Variants in DPF3 observed in about 807,000 individuals in gnomAD.
The protein encoded by DPF3 is zinc finger protein DPF3.
In DPF3, 18 loss-of-function variants were observed where a neutral mutation model predicts 56.8. The observed-to-expected ratio is 0.32, with a 90% CI of 0.22 to 0.47. The LOEUF (loss-of-function observed/expected upper bound fraction) is 0.47, where lower values mean the gene tolerates loss of function less well. Among genes scored for constraint, DPF3 ranks in the 20% least tolerant of loss-of-function variants. DPF3 has a pLI of 1.00. For missense variants in DPF3, 403 were observed against 488.8 expected, an observed-to-expected ratio of 0.82 and a Z score of 1.65; for synonymous variants, 188 against 180.2, an observed-to-expected ratio of 1.04 and a Z score of -0.35.
intron 8 of DPF3, among the ~76,000 whole-genome samples, chr14:72,640,238 G>A (rs1198701884): frequency 6.6e-6 from 1 of 152,042 alleles, no homozygotes; most frequent in African/African-American, 2.4e-5. Context: ...CTCTTATGTA[G>A]GCATGAGGAT....
chr14:72,662,053 G>C (rs927870537), intron 8 of DPF3: 7 of 984,746 alleles, frequency 7.1e-6, no homozygotes, highest in Admixed American at 6.2e-5. Context: ...GGGCAATGAG[G>C]GTGGGGGAAA....
intron 7 of DPF3, among the ~76,000 whole-genome samples, chr14:72,688,705 G>A (rs544606735): frequency 2.8e-4 from 42 of 152,212 alleles, no homozygotes; most frequent in African/African-American, 1.0e-3. Flanking sequence ...TCTATGTGTA[G>A]GTGTATGTGT....
At chr14:72,800,048 T>C (rs188286704) in intron 1 of DPF3, among the ~76,000 whole-genome samples, 1 of 152,222 alleles carries the variant, frequency 6.6e-6, no homozygotes, top group Admixed American at 6.5e-5. Context: ...TTTGCAACCT[T>C]AAAAAGCCCT....
chr14:72,884,869 G>T (rs1241243578), intron 1 of DPF3, among the ~76,000 whole-genome samples: 7 of 145,362 alleles, frequency 4.8e-5, no homozygotes, highest in African/African-American at 1.8e-4. Context: ...GGCCGAGGCG[G>T]GCGGATCACG....
At chr14:72,818,398 T>G (rs1832658245) in intron 1 of DPF3, among the ~76,000 whole-genome samples, 1 of 152,162 alleles carries the variant, frequency 6.6e-6, no homozygotes, top group African/African-American at 2.4e-5. Flanking sequence ...GACATTGTTA[T>G]GCTGGGTGTG....
At chr14:72,880,149 T>C (rs1886272198) in intron 1 of DPF3, among the ~76,000 whole-genome samples, 1 of 152,210 alleles carries the variant, frequency 6.6e-6, no homozygotes, top group Admixed American at 6.5e-5. Flanking sequence ...GAAATTACCA[T>C]TGGCATCACC....
At chr14:72,835,800 AC>A (rs373204865) in intron 1 of DPF3, among the ~76,000 whole-genome samples, 1 of 152,260 alleles carries the variant, frequency 6.6e-6, no homozygotes, top group African/African-American at 2.4e-5. Context: ...CTATGACTTG[AC>A]CCGCAGCGAG....
At chr14:72,858,176 C>T (rs1885242865) in intron 1 of DPF3, among the ~76,000 whole-genome samples, 2 of 151,992 alleles carry the variant, frequency 1.3e-5, no homozygotes, top group Non-Finnish European at 2.9e-5. Flanking sequence ...GGTATGGTGG[C>T]ATACACATGT....
At position 72,704,018 on chromosome 14, in the gene DPF3, G is replaced by A. The variant is rs540681275; in HGVS notation, c.604+10405C>T. Among the ~76,000 whole-genome samples the A allele has an allele frequency of 5.9e-5, 9 of 152,294 alleles. No individual in the cohort carries two copies. The South Asian group carries it at 1.9e-3, about 32-fold the overall frequency. Reference sequence around the variant, plus strand: ...CACAATTTCTCATTGAACCCTCTTGGAAACCCACTAAGGTTAATATTATTG... The same window carrying A: ...CACAATTTCTCATTGAACCCTCTTGAAAACCCACTAAGGTTAATATTATTG... On this transcript the variant is annotated intron_variant, in intron 6 of 10. Coordinates refer to ENST00000556509, the MANE Select transcript of DPF3 (RefSeq NM_001280542.3).
intron 1 of DPF3, among the ~76,000 whole-genome samples, chr14:72,888,058 C>T (rs977600779): frequency 6.6e-6 from 1 of 152,140 alleles, no homozygotes; most frequent in Non-Finnish European, 1.5e-5. Flanking sequence ...GGGGATTAGA[C>T]ATGTGCCAGC....
chr14:72,776,921 C>T (rs1302655833), intron 1 of DPF3, among the ~76,000 whole-genome samples: 1 of 152,104 alleles, frequency 6.6e-6, no homozygotes, highest in Non-Finnish European at 1.5e-5. Flanking sequence ...AGCAACTTGG[C>T]CTTGACTCTC....
intron 1 of DPF3, chr14:72,879,861 C>G: frequency 6.5e-7 from 1 of 1,535,462 alleles, no homozygotes; most frequent in Non-Finnish European, 8.7e-7. Flanking sequence ...GTCTGTGAAC[C>G]CCATAAAACC....
At chr14:72,725,295 G>T (rs1414438942) in intron 4 of DPF3, among the ~76,000 whole-genome samples, 1 of 152,120 alleles carries the variant, frequency 6.6e-6, no homozygotes, top group Non-Finnish European at 1.5e-5. Context: ...TGGTAGGCAA[G>T]TTCAAAGTGC....
At chr14:72,641,352 C>G (rs969722350) in intron 8 of DPF3, among the ~76,000 whole-genome samples, 1 of 152,224 alleles carries the variant, frequency 6.6e-6, no homozygotes, top group Admixed American at 6.5e-5. Context: ...TACCTAACTC[C>G]ATTCACTCAT....
At chr14:72,646,619 C>T (rs1434970100) in intron 8 of DPF3, among the ~76,000 whole-genome samples, 1 of 152,202 alleles carries the variant, frequency 6.6e-6, no homozygotes, top group African/African-American at 2.4e-5. Flanking sequence ...CCAGGCCTCT[C>T]AATCTCCCTG....
At chr14:72,725,312 AG>A (rs1195831125) in intron 4 of DPF3, among the ~76,000 whole-genome samples, 2 of 152,218 alleles carry the variant, frequency 1.3e-5, no homozygotes, top group Admixed American at 6.5e-5. Context: ...GTGCTATGAG[AG>A]GGTGTTAGGA....
chr14:72,629,941 C>T (rs1345991083), intron 8 of DPF3, among the ~76,000 whole-genome samples: 1 of 152,140 alleles, frequency 6.6e-6, no homozygotes, highest in East Asian at 1.9e-4. Flanking sequence ...GAGATATAAG[C>T]ACATCCAATT....
intron 1 of DPF3, among the ~76,000 whole-genome samples, chr14:72,808,876 T>C (rs1882907875): frequency 1.3e-5 from 2 of 152,200 alleles, no homozygotes; most frequent in South Asian, 4.1e-4. Context: ...CCTACTAATT[T>C]GGGTTCTAGC....
chr14:72,731,612 CAAT>C, intron 4 of DPF3, 192 bp downstream of exon 4: 1 of 677,598 alleles, frequency 1.5e-6, no homozygotes, highest in Admixed American at 3.0e-5. Context: ...GAGGTGAAGG[CAAT>C]AATGACTCCT....
Sources: allele counts gnomAD v4.1 joint callset (sites outside exome capture counted in the v4.1 genomes callset), GRCh38; gene constraint gnomAD v4.1.1; transcripts MANE v1.5; gene names NCBI Gene and HGNC (gene_info 2026-07-23, HGNC 2026-07-21).